The following COL19A1 variants were observed in gnomAD, a reference collection of about 807,000 sequenced individuals.
COL19A1 encodes collagen alpha-1(XIX) chain.
In COL19A1, 159 loss-of-function variants were observed where a neutral mutation model predicts 190.2. That is an observed-to-expected ratio of 0.84 (90% CI 0.73 to 0.95). COL19A1 has a LOEUF of 0.95. Among genes scored for constraint, COL19A1 ranks in the 40% least tolerant of loss-of-function variants. The pLI is 0.00. For synonymous variants in COL19A1, 509 were observed against 458.9 expected, an observed-to-expected ratio of 1.11 and a Z score of -1.39; for missense variants, 1,418 against 1,431.9, an observed-to-expected ratio of 0.99 and a Z score of 0.16.
chr6:69,986,513 C>T (rs539835295), intron 11 of COL19A1, among the ~76,000 whole-genome samples: 38 of 152,106 alleles, frequency 2.5e-4, no homozygotes, highest in African/African-American at 9.2e-4. Flanking sequence ...AGGCATGTGC[C>T]TTGGGAATTT....
intron 42 of COL19A1, among the ~76,000 whole-genome samples, chr6:70,177,458 C>CTTCA (rs1290531834): frequency 6.6e-6 from 1 of 152,124 alleles, no homozygotes; most frequent in Non-Finnish European, 1.5e-5. Context: ...AGCCACTCTA[C>CTTCA]TTCACTCCAT....
At chr6:70,202,793 T>C (rs906129231) in intron 49 of COL19A1, among the ~76,000 whole-genome samples, 1 of 152,206 alleles carries the variant, frequency 6.6e-6, no homozygotes, top group African/African-American at 2.4e-5. Flanking sequence ...GAAAGACCTT[T>C]TGGATTCTGA....
chr6:70,007,198 A>G (rs532538507), intron 11 of COL19A1, among the ~76,000 whole-genome samples: 1 of 152,258 alleles, frequency 6.6e-6, no homozygotes, highest in African/African-American at 2.4e-5. Flanking sequence ...TTTATGAATC[A>G]AAGTTAATTT....
chr6:69,915,875 G>A (rs554542280), intron 4 of COL19A1, among the ~76,000 whole-genome samples: 1 of 149,020 alleles, frequency 6.7e-6, no homozygotes, highest in East Asian at 2.0e-4. Context: ...CTAGTTACTA[G>A]TATACATACT....
rs1156491673 is a variant in COL19A1, at chr6:70,171,951, T to C, written c.2569-13T>C. 1 of 1,612,306 alleles carries C rather than the reference T, an allele frequency of 6.2e-7. No individual in the cohort carries two copies. Among genetic ancestry groups the C allele is most frequent in the Non-Finnish European group, 8.5e-7 (1 of 1,179,080 alleles). On this transcript the variant is annotated splice_polypyrimidine_tract_variant and intron_variant, in intron 40 of 50. Coordinates refer to ENST00000620364, the MANE Select transcript of COL19A1 (RefSeq NM_001858.6). ...ATTATTGCTCCTGCATTTCTTATGT[T>C]CATATTTAACAGGGAGAGCCTGGTG...
chr6:70,110,002 T>C (rs945714866), intron 16 of COL19A1, among the ~76,000 whole-genome samples: 1 of 152,170 alleles, frequency 6.6e-6, no homozygotes, highest in Admixed American at 6.6e-5. Context: ...CTTGAGTATC[T>C]TCCGTCTCCA....
chr6:69,873,640 T>C (rs1216433445), intron 1 of COL19A1, among the ~76,000 whole-genome samples: 3 of 152,224 alleles, frequency 2.0e-5, no homozygotes, highest in Admixed American at 1.3e-4. Context: ...TTATTTTAAC[T>C]TTCAAATATT....
chr6:70,047,472 C>G (rs1779973509), intron 14 of COL19A1, among the ~76,000 whole-genome samples: 1 of 152,150 alleles, frequency 6.6e-6, no homozygotes, highest in African/African-American at 2.4e-5. Flanking sequence ...TAAAAATCCT[C>G]TATTAAAGGT....
At position 70,138,446 on chromosome 6, in the gene COL19A1, A is replaced by G. The variant is rs117829412; in HGVS notation, c.1446+699A>G. On this transcript the variant is annotated intron_variant, in intron 19 of 50. Coordinates refer to ENST00000620364, the MANE Select transcript of COL19A1 (RefSeq NM_001858.6). ...AATGACTTGTTTTAATGCTTCTTTT[A>G]AAAAAGCAGTTTTCAAGAATCAGTG... Among the ~76,000 whole-genome samples the G allele has an allele frequency of 3.0e-3, 464 of 152,240 alleles. 3 individuals are homozygous for G. Among genetic ancestry groups the G allele is most frequent in the South Asian group, 0.027 (128 of 4,820 alleles).
In COL19A1 at chr6:70,146,834, T is replaced by A; in HGVS notation, c.1838T>A (p.Val613Asp). The A allele has an allele frequency of 6.3e-7, 1 of 1,598,572 alleles. No individual in the cohort carries two copies. The highest frequency in any genetic ancestry group is 1.3e-5 in the African/African-American group (1 of 74,318). ...CAGGGTGAAAGAGGACTTCCAGGTG[T>A]TCACGGTTCCCCAGGGGACATAGGC... ...GPKGERGLPG[V>D]HGSPGDIGPQ... The change falls in exon 27 of 51, where the codon GTT (valine) becomes GAT (aspartate). Residue 613 changes from valine (V) to aspartate (D), a missense_variant. Physicochemically the swap from Val to Asp is radical, Grantham distance 152. Coordinates refer to ENST00000620364, the MANE Select transcript of COL19A1 (RefSeq NM_001858.6).
At chr6:69,925,973 A>G (rs1452196464) in intron 4 of COL19A1, among the ~76,000 whole-genome samples, 3 of 152,292 alleles carry the variant, frequency 2.0e-5, no homozygotes, top group South Asian at 2.1e-4. Context: ...TTATCAGCTG[A>G]AGGAGATTTT....
At chr6:69,883,380 C>T (rs527624467) in intron 2 of COL19A1, among the ~76,000 whole-genome samples, 1 of 152,310 alleles carries the variant, frequency 6.6e-6, no homozygotes, top group Admixed American at 6.5e-5. Flanking sequence ...CAACCTTTGC[C>T]ATGTAGGACC....
intron 9 of COL19A1, among the ~76,000 whole-genome samples, chr6:69,957,614 A>C (rs1456578810): frequency 6.6e-6 from 1 of 152,128 alleles, no homozygotes; most frequent in African/African-American, 2.4e-5. Flanking sequence ...GGAATCATTT[A>C]TTGTGATTTT....
intron 4 of COL19A1, among the ~76,000 whole-genome samples, chr6:69,903,415 G>A (rs1412230412): frequency 1.3e-5 from 2 of 152,102 alleles, no homozygotes. Flanking sequence ...GCAAGTAGGG[G>A]CCCCACTTCG....
intron 4 of COL19A1, among the ~76,000 whole-genome samples, chr6:69,916,720 T>TA (rs1771333886): frequency 6.6e-6 from 1 of 152,240 alleles, no homozygotes; most frequent in Admixed American, 6.5e-5. Context: ...ATTAATATAT[T>TA]TACTTATATC....
chr6:70,179,848 C>T (rs1409874741), intron 42 of COL19A1, among the ~76,000 whole-genome samples: 1 of 152,118 alleles, frequency 6.6e-6, no homozygotes, highest in African/African-American at 2.4e-5. Flanking sequence ...ATATGTTCCC[C>T]AGTCTCTGTC....
In COL19A1 at chr6:70,208,125, G is replaced by C. The variant is rs1042626280; in HGVS notation, c.*851G>C. 1 of 152,168 alleles carries C rather than the reference G, an allele frequency of 6.6e-6. No homozygotes were observed. Among genetic ancestry groups the C allele is most frequent in the African/African-American group, 2.4e-5 (1 of 41,436 alleles). The allele number at this position is 152,168 out of a possible 1,614,324, so 9.4% of individuals were successfully genotyped here. A position where few individuals can be genotyped will look rare whatever the true frequency, so the allele number is the denominator to read the frequency against. On this transcript the variant is annotated 3_prime_UTR_variant, in exon 51 of 51. Transcript: ENST00000620364. ...TTTTCCCTACAAGGTGCTTGGTGGT[G>C]AAGCCACCAAGCTGTCTTTGGTACT...
chr6:70,139,138 C>A lies in COL19A1; in HGVS notation c.1446+1391C>A, dbSNP rs543581281. ...AGGAGAAACTTTCAGTGAGTTAGAG[C>A]GGTGCTTCTCAAATGTGAACATGCA... On this transcript the variant is annotated intron_variant, in intron 19 of 50. Coordinates refer to ENST00000620364, the MANE Select transcript of COL19A1 (RefSeq NM_001858.6). Among the ~76,000 whole-genome samples, 8 of 152,198 alleles carry A rather than the reference C, an allele frequency of 5.3e-5. No homozygotes were observed. The South Asian group carries it at 1.7e-3, about 32-fold the overall frequency.
intron 10 of COL19A1, among the ~76,000 whole-genome samples, chr6:69,960,472 C>T (rs905730218): frequency 6.6e-6 from 1 of 152,064 alleles, no homozygotes; most frequent in African/African-American, 2.4e-5. Context: ...TTATATATTA[C>T]AAAGATGCTG....
Sources: allele counts gnomAD v4.1 joint callset (sites outside exome capture counted in the v4.1 genomes callset), GRCh38; gene constraint gnomAD v4.1.1; transcripts MANE v1.5; gene names NCBI Gene and HGNC (gene_info 2026-07-23, HGNC 2026-07-21).